CADM2: variants seen among roughly 807,000 people sequenced by gnomAD.
The protein encoded by CADM2 is immunoglobulin superfamily member 4D.
In CADM2, 12 loss-of-function variants were observed where a neutral mutation model predicts 49.8. The ratio of observed to expected loss-of-function variants is 0.24; its 90% CI spans 0.15 to 0.39. The LOEUF (loss-of-function observed/expected upper bound fraction) is 0.39. CADM2 is among the 10% of genes least tolerant of loss of function. The pLI, the probability that CADM2 is intolerant of heterozygous loss-of-function variation, is 1.00. For missense variants in CADM2, 378 were observed against 492.3 expected (o/e 0.77, Z 2.20); for synonymous variants, 214 against 175.4 (o/e 1.22, Z -1.74).
chr3:86,006,815 C>A (rs1730848380), intron 8 of CADM2, among the ~76,000 whole-genome samples: 4 of 151,882 alleles, frequency 2.6e-5, no homozygotes, highest in African/African-American at 9.7e-5. Context: ...CTGAGGTGGG[C>A]AGATCACCTG....
intron 2 of CADM2, among the ~76,000 whole-genome samples, chr3:85,738,298 G>A (rs772378601): frequency 2.6e-5 from 4 of 152,194 alleles, no homozygotes; most frequent in Non-Finnish European, 4.4e-5. Context: ...GTAATCTGAT[G>A]TTTGATTCAT....
At chr3:85,571,990 G>C (rs550993043) in intron 1 of CADM2, among the ~76,000 whole-genome samples, 57 of 152,236 alleles carry the variant, frequency 3.7e-4, no homozygotes, top group South Asian at 1.0e-3. Flanking sequence ...CAGGTTACTA[G>C]AGCTCTATTT....
intron 1 of CADM2, among the ~76,000 whole-genome samples, chr3:85,568,812 T>G (rs2062394717): frequency 6.6e-6 from 1 of 151,812 alleles, no homozygotes; most frequent in African/African-American, 2.4e-5. Context: ...TTCACCATAT[T>G]GGCTAGGCTG....
chr3:85,867,643 GTTA>G (rs1245839861), intron 3 of CADM2, among the ~76,000 whole-genome samples: 2 of 112,974 alleles, frequency 1.8e-5, no homozygotes, highest in Admixed American at 1.1e-4. Flanking sequence ...CATAGTGAAT[GTTA>G]TTATTTTATC....
intron 1 of CADM2, among the ~76,000 whole-genome samples, chr3:85,232,012 G>T (rs2042302967): frequency 6.6e-6 from 1 of 151,758 alleles, no homozygotes; most frequent in African/African-American, 2.4e-5. Context: ...ATTGGGCCTG[G>T]CCTCAAGTTT....
chr3:85,090,888 C>G (rs2037570656), intron 1 of CADM2, among the ~76,000 whole-genome samples: 1 of 152,174 alleles, frequency 6.6e-6, no homozygotes, highest in Non-Finnish European at 1.5e-5. Context: ...CACCCAGCCC[C>G]TTTCCATCTG....
intron 8 of CADM2, among the ~76,000 whole-genome samples, chr3:85,999,184 A>C (rs1213883864): frequency 6.6e-6 from 1 of 151,526 alleles, no homozygotes; most frequent in Non-Finnish European, 1.5e-5. Flanking sequence ...AGAGAGGCCA[A>C]GTGTGATAAC....
At chr3:85,687,298 C>A (rs746398160) in intron 1 of CADM2, among the ~76,000 whole-genome samples, 21 of 151,966 alleles carry the variant, frequency 1.4e-4, no homozygotes, top group Admixed American at 7.9e-4. Context: ...TAAAAGAATG[C>A]CATTAAAATA....
intron 5 of CADM2, among the ~76,000 whole-genome samples, 165 bp downstream of exon 5, chr3:85,886,492 T>C (rs926480603): frequency 4.6e-5 from 7 of 152,166 alleles, no homozygotes; most frequent in Non-Finnish European, 5.9e-5. Flanking sequence ...TTACAAGATA[T>C]ATTAATATAT....
At chr3:85,844,343 T>C (rs1170312177) in intron 3 of CADM2, among the ~76,000 whole-genome samples, 1 of 152,144 alleles carries the variant, frequency 6.6e-6, no homozygotes, top group East Asian at 1.9e-4. Context: ...TTTTATTTAG[T>C]TCTTTTGGAA....
At chr3:85,096,739 T>C (rs952000729) in intron 1 of CADM2, among the ~76,000 whole-genome samples, 1 of 152,072 alleles carries the variant, frequency 6.6e-6, no homozygotes, top group Non-Finnish European at 1.5e-5. Context: ...AAACATTCAG[T>C]GAATTTGTTC....
chr3:85,167,540 TG>T (rs1359995088), intron 1 of CADM2, among the ~76,000 whole-genome samples: 2 of 152,148 alleles, frequency 1.3e-5, no homozygotes, highest in Non-Finnish European at 2.9e-5. Flanking sequence ...ACAAGAGCTT[TG>T]CATGGAGAGC....
At chr3:86,059,979 C>T (rs924553545) in intron 8 of CADM2, among the ~76,000 whole-genome samples, 5 of 151,896 alleles carry the variant, frequency 3.3e-5, no homozygotes, top group Middle Eastern at 3.3e-3. Context: ...ATCTTTAAAA[C>T]CTTAAAATCC....
At chr3:86,017,815 TG>T (rs1470988815) in intron 8 of CADM2, among the ~76,000 whole-genome samples, 1 of 146,556 alleles carries the variant, frequency 6.8e-6, no homozygotes, top group African/African-American at 2.4e-5. Flanking sequence ...TTATGTTATG[TG>T]TACCCTTAAA....
chr3:85,376,808 GA>G (rs554752211), intron 1 of CADM2, among the ~76,000 whole-genome samples: 243 of 151,660 alleles, frequency 1.6e-3, no homozygotes, highest in African/African-American at 5.5e-3. Context: ...CTTTTAAAAT[GA>G]AAAAAAGGCT....
At chr3:86,013,011 T>G in intron 8 of CADM2, 1 of 964,700 alleles carries the variant, frequency 1.0e-6, no homozygotes. Context: ...AAATAAACAT[T>G]ATCGATTATG....
intron 1 of CADM2, among the ~76,000 whole-genome samples, chr3:85,637,822 C>T (rs370129849): frequency 1.3e-5 from 2 of 151,732 alleles, no homozygotes; most frequent in East Asian, 3.9e-4. Context: ...TGCTTTCCTC[C>T]AGGAAAAAAT....
Position 85,889,146 on chromosome 3 carries a change from C to T in CADM2, c.529+2819C>T, listed in dbSNP as rs1351891721. Among the ~76,000 whole-genome samples the T allele has an allele frequency of 1.3e-5, 2 of 152,164 alleles. 1 individual carries two copies. Among genetic ancestry groups the T allele is most frequent in the Non-Finnish European group, 2.9e-5 (2 of 68,024 alleles). Reference sequence around the variant, plus strand: ...TGAAGATGTCTTTGGGGTTATCAAACATGTTATGGAGAATATTTTCCTAAA... The same window carrying T: ...TGAAGATGTCTTTGGGGTTATCAAATATGTTATGGAGAATATTTTCCTAAA... On this transcript the variant is annotated intron_variant, in intron 5 of 9. Coordinates refer to ENST00000383699, the MANE Select transcript of CADM2 (RefSeq NM_001167675.2).
chr3:86,067,734 A>G lies in CADM2; in HGVS notation c.*951A>G, dbSNP rs1489879628. 6.6e-6 allele frequency: 1 copy of G among 152,514 alleles called. No individual in the cohort carries two copies. Among genetic ancestry groups the G allele is most frequent in the African/African-American group, 2.4e-5 (1 of 41,462 alleles). 9.4% of individuals were successfully genotyped at this position (152,514 alleles called of 1,614,324 possible). ...TTTTTTGGCTGTATGTAATTCAGTCATAAGTAAGCATTTTCTAACGTCCAT... is the reference window on the plus strand; with the variant it reads ...TTTTTTGGCTGTATGTAATTCAGTCGTAAGTAAGCATTTTCTAACGTCCAT... On this transcript the variant is annotated 3_prime_UTR_variant, in exon 10 of 10. Coordinates refer to ENST00000383699, the MANE Select transcript of CADM2 (RefSeq NM_001167675.2).
Sources: allele counts gnomAD v4.1 joint callset (sites outside exome capture counted in the v4.1 genomes callset), GRCh38; gene constraint gnomAD v4.1.1; transcripts MANE v1.5; gene names NCBI Gene and HGNC (gene_info 2026-07-23, HGNC 2026-07-21).